The following UBE4A variants were observed in gnomAD, a reference collection of about 807,000 sequenced individuals.
UBE4A encodes ubiquitination factor E4A.
Under a neutral mutation model 117.9 loss-of-function variants are expected in UBE4A, and 48 were observed. The ratio of observed to expected loss-of-function variants is 0.41; its 90% CI spans 0.32 to 0.52. UBE4A has a LOEUF of 0.52. Among genes scored for constraint, UBE4A ranks in the 20% least tolerant of loss-of-function variants. The pLI, the probability that UBE4A is intolerant of heterozygous loss-of-function variation, is 0.33. For missense variants in UBE4A, 1,067 were observed against 1,296.3 expected, an observed-to-expected ratio of 0.82 and a Z score of 2.72; for synonymous variants, 407 against 450.0, an observed-to-expected ratio of 0.90 and a Z score of 1.21.
At chr11:118,369,916 C>T (rs1288965402) in intron 4 of UBE4A, among the ~76,000 whole-genome samples, 2 of 151,518 alleles carry the variant, frequency 1.3e-5, no homozygotes, top group African/African-American at 2.4e-5. Context: ...CATGGTGAAA[C>T]GCCGTCTCTA....
intron 1 of UBE4A, among the ~76,000 whole-genome samples, chr11:118,361,510 A>G (rs1032281184): frequency 1.3e-5 from 2 of 152,234 alleles, no homozygotes; most frequent in African/African-American, 4.8e-5. Flanking sequence ...TTTTTCCTGT[A>G]AAATTTTTCT....
At chr11:118,392,993 A>G (rs528127696) in intron 19 of UBE4A, 98 bp downstream of exon 19, 33 of 1,177,558 alleles carry the variant, frequency 2.8e-5, no homozygotes, top group Non-Finnish European at 3.9e-5. Context: ...CACCCAACAC[A>G]TACCACATAT....
At chr11:118,370,142 T>C (rs902291172) in intron 4 of UBE4A, among the ~76,000 whole-genome samples, 1 of 151,906 alleles carries the variant, frequency 6.6e-6, no homozygotes, top group Admixed American at 6.6e-5. Flanking sequence ...AAGTTGTTAC[T>C]CCCTCCTCTG....
intron 9 of UBE4A, among the ~76,000 whole-genome samples, chr11:118,375,437 G>A (rs782692272): frequency 2.6e-5 from 4 of 151,794 alleles, no homozygotes; most frequent in Non-Finnish European, 5.9e-5. Context: ...TTGGCTCACC[G>A]CAATCTCTGC....
At chr11:118,376,757 A>C in intron 10 of UBE4A, 63 bp downstream of exon 10, 1 of 1,576,846 alleles carries the variant, frequency 6.3e-7, no homozygotes, top group Non-Finnish European at 8.6e-7. Flanking sequence ...GAAGGTAGAA[A>C]TTGAGTCTTT....
intron 2 of UBE4A, among the ~76,000 whole-genome samples, chr11:118,366,417 G>A (rs1292384131): frequency 6.6e-6 from 1 of 152,212 alleles, no homozygotes; most frequent in Non-Finnish European, 1.5e-5. Context: ...AAACTCAACA[G>A]TATAGCAGCT....
intron 18 of UBE4A, among the ~76,000 whole-genome samples, chr11:118,391,397 G>C (rs1430579957): frequency 6.6e-6 from 1 of 151,612 alleles, no homozygotes; most frequent in Non-Finnish European, 1.5e-5. Flanking sequence ...GCTGAGGCAG[G>C]AGAATCGCTT....
intron 8 of UBE4A, 23 bp downstream of exon 8, chr11:118,373,708 C>A (rs1360301946): frequency 6.2e-7 from 1 of 1,603,376 alleles, no homozygotes; most frequent in Admixed American, 1.7e-5. Context: ...ACCAGGGTAT[C>A]CCAGCCCCCT....
chr11:118,394,264 T>C (rs183065906), intron 19 of UBE4A, among the ~76,000 whole-genome samples: 191 of 152,176 alleles, frequency 1.3e-3, no homozygotes, highest in Admixed American at 3.3e-3. Flanking sequence ...CAAGCAACCC[T>C]CCCATCTCAG....
intron 2 of UBE4A, among the ~76,000 whole-genome samples, chr11:118,368,297 A>T (rs991151387): frequency 5.9e-5 from 9 of 152,250 alleles, no homozygotes; most frequent in African/African-American, 2.2e-4. Flanking sequence ...GAGAAAAGCC[A>T]TACATTTAAA....
chr11:118,384,765 T>C (rs956861811), intron 14 of UBE4A, 30 bp downstream of exon 14: 13 of 1,611,632 alleles, frequency 8.1e-6, no homozygotes, highest in Non-Finnish European at 1.1e-5. Context: ...AACCTGTTGC[T>C]TTATATAAGC....
intron 2 of UBE4A, among the ~76,000 whole-genome samples, chr11:118,367,149 G>A (rs911393214): frequency 4.7e-5 from 7 of 150,090 alleles, no homozygotes; most frequent in Non-Finnish European, 5.9e-5. Context: ...GCGGTGAGCC[G>A]AGATCACACC....
Position 118,397,030 on chromosome 11 carries a change from G to A in UBE4A, c.*590G>A, listed in dbSNP as rs1356469868. ...TAGACGAGAATTTTTTTTAAAAAAG[G>A]AATTTAAAGGAATCTTGTGCAACTT... On this transcript the variant is annotated 3_prime_UTR_variant, in exon 20 of 20. Coordinates refer to ENST00000252108, the MANE Select transcript of UBE4A (RefSeq NM_001204077.2). The A allele has an allele frequency of 1.3e-5, 2 of 152,130 alleles. No homozygotes were observed. The highest frequency in any genetic ancestry group is 1.3e-4 in the Admixed American group (2 of 15,282). 9.4% of individuals were successfully genotyped at this position (152,130 alleles called of 1,614,324 possible).
At chr11:118,372,375 G>T in intron 5 of UBE4A, 132 bp from the exon 6 acceptor site, 1 of 913,514 alleles carries the variant, frequency 1.1e-6, no homozygotes, top group East Asian at 3.0e-5. Flanking sequence ...CTTAAGCCAA[G>T]GAAGGAATCT....
rs907156805 is a variant in UBE4A, at chr11:118,373,638, C to A, written c.1069C>A (p.Arg357Ser). 5 of 1,614,032 alleles carry A rather than the reference C, an allele frequency of 3.1e-6. No homozygotes were observed. The highest frequency in any genetic ancestry group is 4.2e-6 in the Non-Finnish European group (5 of 1,180,038). Residue 357 changes from arginine to serine, a missense_variant, in exon 8 of 20, where the codon CGT (arginine) becomes AGT (serine). This residue lies in a region of UBE4A where 1,001 missense variants were observed against 1,184.0 expected (regional missense o/e 0.85). Coordinates refer to ENST00000252108, the MANE Select transcript of UBE4A (RefSeq NM_001204077.2). ...TCATGGCTACTTTTTGAATCCATCT[C>A]GTTCCAGCCCCCAGGAGATCAAAGT... Reference protein sequence around the residue: ...ENHGYFLNPSRSSPQEIKVQE... With the variant: ...ENHGYFLNPSSSSPQEIKVQE...
chr11:118,388,125 G>T (rs1364705410), intron 16 of UBE4A, among the ~76,000 whole-genome samples: 2 of 152,140 alleles, frequency 1.3e-5, no homozygotes, highest in Non-Finnish European at 2.9e-5. Context: ...TGGCTCTGCT[G>T]TGAATAATAT....
chr11:118,384,484 T>C (rs1189634263), intron 13 of UBE4A, 151 bp from the exon 14 acceptor site: 2 of 644,026 alleles, frequency 3.1e-6, no homozygotes, highest in Non-Finnish European at 2.7e-6. Flanking sequence ...TGGCGATAAC[T>C]CTAGGCCTTT....
chr11:118,389,677 AAG>A, intron 16 of UBE4A, 46 bp from the exon 17 acceptor site: 1 of 1,487,004 alleles, frequency 6.7e-7, no homozygotes, highest in Non-Finnish European at 9.1e-7. Context: ...TAATAAGGAA[AAG>A]AGTGCTAATG....
rs782372782 is a variant in UBE4A, at chr11:118,381,529, G to A, written c.2009+6G>A. On this transcript the variant is annotated splice_donor_region_variant and intron_variant, in intron 12 of 19. Coordinates refer to ENST00000252108, the MANE Select transcript of UBE4A (RefSeq NM_001204077.2). ...TTCACTGGAAGCATAGAAAGGTGAA[G>A]TGCTGAAAGCTTGGTTCTGTCACTG... 6.8e-6 allele frequency: 11 copies of A among 1,613,704 alleles called. No individual in the cohort carries two copies. The highest frequency in any genetic ancestry group is 6.7e-5 in the Admixed American group (4 of 59,976).
Sources: allele counts gnomAD v4.1 joint callset (sites outside exome capture counted in the v4.1 genomes callset), GRCh38; gene constraint gnomAD v4.1.1; regional missense constraint gnomAD v4.1.1; transcripts MANE v1.5; gene names NCBI Gene and HGNC (gene_info 2026-07-23, HGNC 2026-07-21).